Variants in SETD5 observed in about 807,000 individuals in gnomAD.
The protein encoded by SETD5 is histone-lysine N-methyltransferase SETD5.
SETD5 carries 44 observed loss-of-function variants against 153.3 expected under a neutral mutation model. That is an observed-to-expected ratio of 0.29 (90% CI 0.23 to 0.37). SETD5 has a LOEUF of 0.37. Ranked by LOEUF, SETD5 falls within the 10% of genes least tolerant of loss-of-function variation. SETD5 has a pLI of 1.00. For synonymous variants in SETD5, 716 were observed against 645.2 expected, an observed-to-expected ratio of 1.11 and a Z score of -1.66; for missense variants, 1,544 against 1,768.0, an observed-to-expected ratio of 0.87 and a Z score of 2.27.
At chr3:9,431,656 A>G in intron 3 of SETD5, 1 of 985,792 alleles carries the variant, frequency 1.0e-6, no homozygotes, top group Non-Finnish European at 1.2e-6. Flanking sequence ...AGTATTGTGC[A>G]GTGTGATGGC....
chr3:9,401,756 C>G (rs1195809685), intron 1 of SETD5, among the ~76,000 whole-genome samples: 3 of 152,170 alleles, frequency 2.0e-5, no homozygotes, highest in Non-Finnish European at 4.4e-5. Context: ...TTTGGCTGAA[C>G]TCTGGTGATT....
intron 1 of SETD5, among the ~76,000 whole-genome samples, chr3:9,414,936 A>G (rs551748628): frequency 3.4e-4 from 52 of 152,308 alleles, no homozygotes; most frequent in African/African-American, 1.0e-3. Flanking sequence ...AAGTTTATAA[A>G]TAGACATTTT....
chr3:9,457,770 G>T (rs2043440152), intron 17 of SETD5, among the ~76,000 whole-genome samples: 1 of 147,212 alleles, frequency 6.8e-6, no homozygotes, highest in African/African-American at 2.5e-5. Flanking sequence ...AATCATACGT[G>T]AGCCTTTGAT....
intron 1 of SETD5, among the ~76,000 whole-genome samples, chr3:9,415,939 A>G (rs1209547356): frequency 1.4e-5 from 2 of 147,600 alleles, no homozygotes; most frequent in African/African-American, 5.0e-5. Flanking sequence ...CAGCAGCGCA[A>G]TCTCAGTTCA....
In SETD5 at chr3:9,450,583, A is replaced by G. The variant is rs549736933; in HGVS notation, c.2346+1953A>G. On this transcript the variant is annotated intron_variant, in intron 16 of 22. Coordinates refer to ENST00000402198, the MANE Select transcript of SETD5 (RefSeq NM_001080517.3). ...CTTCTTCTAATATTGGTCTTCTTCT[A>G]ATATCTCCTAATATTGGTTAGAAAG... is the stretch of plus-strand genomic sequence containing the variant. Among the ~76,000 whole-genome samples the G allele has an allele frequency of 3.3e-5, 5 of 152,356 alleles. No homozygotes were observed. The South Asian group carries it at 1.0e-3, about 32-fold the overall frequency.
At chr3:9,436,817 T>G in intron 7 of SETD5, 1 of 1,547,094 alleles carries the variant, frequency 6.5e-7, no homozygotes, top group Non-Finnish European at 8.7e-7. Context: ...TACCAAGTTT[T>G]GTTTGTTCTA....
chr3:9,476,826 C>T lies in SETD5; in HGVS notation c.*735C>T, dbSNP rs1267659761. 2 of 152,576 alleles carry T rather than the reference C, an allele frequency of 1.3e-5. No individual in the cohort carries two copies. The highest frequency in any genetic ancestry group is 6.5e-5 in the Admixed American group (1 of 15,280). 9.5% of individuals were successfully genotyped at this position (152,576 alleles called of 1,614,324 possible). The stretch of plus-strand genomic sequence containing the variant: ...AACTGTTACCATCCTACTCCCCCTT[C>T]CCAAGCTATTTCACAGCTCAGTAAC... On this transcript the variant is annotated 3_prime_UTR_variant, in exon 23 of 23. Coordinates refer to ENST00000402198, the MANE Select transcript of SETD5 (RefSeq NM_001080517.3).
chr3:9,404,037 T>A (rs188648834), intron 1 of SETD5, among the ~76,000 whole-genome samples: 28 of 152,366 alleles, frequency 1.8e-4, no homozygotes, highest in African/African-American at 5.5e-4. Flanking sequence ...ATGCTTAATA[T>A]ATTTTAAAAG....
At chr3:9,449,162 G>A (rs923175923) in intron 16 of SETD5, among the ~76,000 whole-genome samples, 6 of 151,966 alleles carry the variant, frequency 3.9e-5, no homozygotes, top group Admixed American at 2.0e-4. Flanking sequence ...ATGACAAGTC[G>A]GACTGTTTAT....
At chr3:9,449,101 A>G (rs1225510598) in intron 16 of SETD5, among the ~76,000 whole-genome samples, 1 of 152,242 alleles carries the variant, frequency 6.6e-6, no homozygotes, top group Non-Finnish European at 1.5e-5. Flanking sequence ...CTTGAAGGAA[A>G]TTAGAGGAAA....
chr3:9,469,059 A>G (rs1282108923), intron 18 of SETD5, among the ~76,000 whole-genome samples: 1 of 152,114 alleles, frequency 6.6e-6, no homozygotes, highest in East Asian at 1.9e-4. Context: ...CCTTTGGTTG[A>G]TAGATTGAGC....
In SETD5 at chr3:9,441,704, C is replaced by T. The variant is rs1421204500; in HGVS notation, c.922C>T (p.Arg308Ter). Residue 308 changes from arginine to a stop codon, truncating the protein, a stop_gained, in exon 9 of 23, where the codon CGA (arginine) becomes TGA (stop). Transcript: ENST00000402198. LOFTEE classifies it high-confidence loss of function. ...AGAGTATCGTGGGAAAGTCATGTTA[C>T]GACAGCAATTTGAGGTCAATGGGCA... Reference protein sequence around the residue: ...IIEYRGKVMLRQQFEVNGHFF... With the variant: ...IIEYRGKVML 1 of 1,613,922 alleles carries T rather than the reference C, an allele frequency of 6.2e-7. No individual in the cohort carries two copies. Among genetic ancestry groups the T allele is most frequent in the Non-Finnish European group, 8.5e-7 (1 of 1,179,856 alleles).
intron 1 of SETD5, among the ~76,000 whole-genome samples, chr3:9,420,832 AT>A (rs201642422): frequency 2.5e-3 from 362 of 142,032 alleles, no homozygotes; most frequent in East Asian, 9.2e-3. Flanking sequence ...CTTCTCTCTC[AT>A]TTTTTTTTTT....
chr3:9,440,811 C>A, intron 8 of SETD5, 113 bp downstream of exon 8: 1 of 1,318,308 alleles, frequency 7.6e-7, no homozygotes, highest in Non-Finnish European at 1.0e-6. Flanking sequence ...CATGGAATAA[C>A]AGATTAGCCA....
chr3:9,439,053 A>C (rs747975672), intron 7 of SETD5, among the ~76,000 whole-genome samples: 2 of 152,186 alleles, frequency 1.3e-5, no homozygotes, highest in Non-Finnish European at 2.9e-5. Context: ...AATACAGTAC[A>C]CTTATCAAGT....
At chr3:9,443,835 G>A (rs2041598121) in intron 11 of SETD5, among the ~76,000 whole-genome samples, 1 of 152,196 alleles carries the variant, frequency 6.6e-6, no homozygotes, top group Admixed American at 6.5e-5. Flanking sequence ...GAAGGCTGAG[G>A]CGGGCGGATC....
At chr3:9,475,376 A>G (rs2045753636) in intron 22 of SETD5, 107 bp from the exon 23 acceptor site, 1 of 1,461,950 alleles carries the variant, frequency 6.8e-7, no homozygotes. Flanking sequence ...TAAAAAGAAT[A>G]CATGGTTAAA....
intron 1 of SETD5, among the ~76,000 whole-genome samples, chr3:9,420,772 C>T (rs2038255952): frequency 6.6e-6 from 1 of 151,944 alleles, no homozygotes; most frequent in African/African-American, 2.4e-5. Context: ...TTTTAGAGTT[C>T]ATCTCTTTGT....
chr3:9,449,834 T>A (rs1335079787), intron 16 of SETD5, among the ~76,000 whole-genome samples: 4 of 152,208 alleles, frequency 2.6e-5, no homozygotes, highest in Non-Finnish European at 4.4e-5. Context: ...ATTGGTTTGT[T>A]CGGGGAAACG....
Sources: allele counts gnomAD v4.1 joint callset (sites outside exome capture counted in the v4.1 genomes callset), GRCh38; gene constraint gnomAD v4.1.1; transcripts MANE v1.5; gene names NCBI Gene and HGNC (gene_info 2026-07-23, HGNC 2026-07-21).